TMC1: variants seen among roughly 807,000 people sequenced by gnomAD.
TMC1 encodes the protein transmembrane channel-like protein 1.
In TMC1, 84 loss-of-function variants were observed where a neutral mutation model predicts 105.8. That is an observed-to-expected ratio of 0.79 (90% CI 0.67 to 0.95). TMC1 has a LOEUF of 0.95. TMC1 is among the 40% of genes least tolerant of loss of function. The pLI, the probability that TMC1 is intolerant of heterozygous loss-of-function variation, is 0.00. For synonymous variants in TMC1, 315 were observed against 311.5 expected, an observed-to-expected ratio of 1.01 and a Z score of -0.12; for missense variants, 817 against 914.1, an observed-to-expected ratio of 0.89 and a Z score of 1.37.
intron 2 of TMC1, among the ~76,000 whole-genome samples, chr9:72,591,642 C>A (rs1824640737): frequency 6.6e-6 from 1 of 152,278 alleles, no homozygotes; most frequent in South Asian, 2.1e-4. Context: ...CTCACTGCAA[C>A]CTTGATCAGC....
At chr9:72,619,524 G>T (rs1197653675) in intron 3 of TMC1, among the ~76,000 whole-genome samples, 2 of 152,036 alleles carry the variant, frequency 1.3e-5, no homozygotes, top group African/African-American at 4.8e-5. Context: ...GGTGAAATGT[G>T]AATAGTTGCT....
intron 4 of TMC1, among the ~76,000 whole-genome samples, chr9:72,631,327 T>C (rs536634988): frequency 6.6e-6 from 1 of 152,200 alleles, no homozygotes; most frequent in South Asian, 2.1e-4. Flanking sequence ...CATTATAGAG[T>C]CTCGTTTTAT....
At chr9:72,776,550 T>TCC (rs1828008230) in intron 13 of TMC1, among the ~76,000 whole-genome samples, 1 of 152,210 alleles carries the variant, frequency 6.6e-6, no homozygotes, top group South Asian at 2.1e-4. Flanking sequence ...CATTTGACTA[T>TCC]AAGACCTCTT....
chr9:72,743,034 G>C (rs570343169), intron 10 of TMC1, among the ~76,000 whole-genome samples: 1 of 152,052 alleles, frequency 6.6e-6, no homozygotes, highest in Non-Finnish European at 1.5e-5. Context: ...TCAGGAGTTC[G>C]AGACCAGCCT....
intron 8 of TMC1, among the ~76,000 whole-genome samples, chr9:72,705,621 C>T (rs1246021441): frequency 6.6e-6 from 1 of 152,048 alleles, no homozygotes; most frequent in East Asian, 1.9e-4. Context: ...GCTTCTGTGG[C>T]TATTAAAATA....
rs1050249498 is a variant in TMC1 at position 72,635,067 on chromosome 9, G to A, written c.-53+7004G>A. Among the ~76,000 whole-genome samples, 9 of 152,072 alleles carry A rather than the reference G, an allele frequency of 5.9e-5. 1 individual carries two copies. The South Asian group carries it at 6.2e-4, about 11-fold the overall frequency. On this transcript the variant is annotated intron_variant, in intron 4 of 23. Transcript: ENST00000297784. The stretch of plus-strand genomic sequence containing the variant: ...AGGTCAGCAGTTTAAGACCAGCCTG[G>A]CCAATGTGGCGAAACCCCGTCTTTA...
intron 8 of TMC1, among the ~76,000 whole-genome samples, chr9:72,722,075 A>G (rs895838287): frequency 6.6e-6 from 1 of 152,134 alleles, no homozygotes; most frequent in Non-Finnish European, 1.5e-5. Context: ...AATGTTTTTG[A>G]GTGTCTCCTG....
At chr9:72,556,359 C>T (rs577125770) in intron 1 of TMC1, among the ~76,000 whole-genome samples, 1 of 151,824 alleles carries the variant, frequency 6.6e-6, no homozygotes, top group East Asian at 2.0e-4. Context: ...TCAGGTGATC[C>T]ACCTTCCTCG....
intron 13 of TMC1, among the ~76,000 whole-genome samples, chr9:72,776,496 A>G: frequency 6.6e-6 from 1 of 152,202 alleles, no homozygotes; most frequent in East Asian, 1.9e-4. Context: ...AATTTTACAG[A>G]TAATGAAATA....
At chr9:72,778,659 G>T (rs958548911) in intron 13 of TMC1, among the ~76,000 whole-genome samples, 1 of 152,112 alleles carries the variant, frequency 6.6e-6, no homozygotes, top group Non-Finnish European at 1.5e-5. Context: ...GTAGGCTTTG[G>T]CCTTTGTTGA....
At chr9:72,608,377 T>C (rs1824960607) in intron 2 of TMC1, among the ~76,000 whole-genome samples, 1 of 152,210 alleles carries the variant, frequency 6.6e-6, no homozygotes, top group Admixed American at 6.5e-5. Context: ...AATTCCATTC[T>C]ACTATTTTAA....
intron 1 of TMC1, among the ~76,000 whole-genome samples, chr9:72,573,977 G>T (rs760131688): frequency 5.3e-5 from 8 of 151,996 alleles, no homozygotes; most frequent in Non-Finnish European, 1.0e-4. Context: ...AGAGTCTGTT[G>T]TTTTCTTCTT....
intron 17 of TMC1, among the ~76,000 whole-genome samples, chr9:72,792,817 G>A (rs1828297334): frequency 6.6e-6 from 1 of 152,200 alleles, no homozygotes; most frequent in African/African-American, 2.4e-5. Context: ...GAGAGAAATA[G>A]AGGGGTTGAG....
chr9:72,772,335 A>G (rs1827940984), intron 12 of TMC1, 78 bp from the exon 13 acceptor site: 1 of 1,581,616 alleles, frequency 6.3e-7, no homozygotes, highest in African/African-American at 1.3e-5. Flanking sequence ...TCATTTTGTT[A>G]TTTCTCTTAA....
chr9:72,752,910 C>T (rs1827603795), intron 11 of TMC1, among the ~76,000 whole-genome samples: 1 of 152,084 alleles, frequency 6.6e-6, no homozygotes, highest in Non-Finnish European at 1.5e-5. Context: ...TAGTACAAAG[C>T]ACTTTCACTT....
At chr9:72,561,619 G>A (rs564657583) in intron 1 of TMC1, among the ~76,000 whole-genome samples, 1 of 152,182 alleles carries the variant, frequency 6.6e-6, no homozygotes, top group Non-Finnish European at 1.5e-5. Flanking sequence ...AAGTCTCACA[G>A]CCTTGTGAAG....
At chr9:72,593,167 G>A (rs899092515) in intron 2 of TMC1, among the ~76,000 whole-genome samples, 2 of 152,126 alleles carry the variant, frequency 1.3e-5, no homozygotes, top group African/African-American at 2.4e-5. Context: ...GTAATTAAGA[G>A]AAGTTTTATT....
intron 13 of TMC1, among the ~76,000 whole-genome samples, chr9:72,778,995 C>CCCACTG (rs972524591): frequency 2.0e-5 from 3 of 152,162 alleles, no homozygotes; most frequent in Non-Finnish European, 4.4e-5. Context: ...GAGCACAGAC[C>CCCACTG]CCACTGCCAC....
At chr9:72,577,245 G>C (rs1210043645) in intron 1 of TMC1, among the ~76,000 whole-genome samples, 2 of 152,124 alleles carry the variant, frequency 1.3e-5, no homozygotes, top group Non-Finnish European at 2.9e-5. Context: ...TCATAACCTA[G>C]GGGAGTCACA....
Sources: gnomAD v4.1 joint callset for allele counts (sites outside exome capture counted in the v4.1 genomes callset) on GRCh38, gnomAD v4.1.1 for gene constraint, MANE v1.5 for transcripts, NCBI Gene and HGNC (gene_info 2026-07-23, HGNC 2026-07-21) for gene names.